CD46: variants seen among roughly 807,000 people sequenced by gnomAD.
The protein encoded by CD46 is CD46 molecule.
In CD46, 30 loss-of-function variants were observed where a neutral mutation model predicts 53.3. The ratio of observed to expected loss-of-function variants is 0.56; its 90% CI spans 0.42 to 0.76. CD46 has a LOEUF of 0.76. Ranked by LOEUF, CD46 falls within the 30% of genes least tolerant of loss-of-function variation. CD46 has a pLI of 0.00. For missense variants in CD46, 409 were observed against 463.0 expected, an observed-to-expected ratio of 0.88 and a Z score of 1.07; for synonymous variants, 142 against 152.0, an observed-to-expected ratio of 0.93 and a Z score of 0.48.
intron 12 of CD46, among the ~76,000 whole-genome samples, chr1:207,790,690 C>T (rs1659719407): frequency 6.6e-6 from 1 of 152,080 alleles, no homozygotes; most frequent in African/African-American, 2.4e-5. Context: ...ATTTTAAGTG[C>T]AAGGAGGAAA....
chr1:207,756,719 G>A (rs1655582977), intron 1 of CD46, among the ~76,000 whole-genome samples: 1 of 152,140 alleles, frequency 6.6e-6, no homozygotes, highest in Admixed American at 6.5e-5. Context: ...GAAAAATGTG[G>A]GGAAAGATGC....
chr1:207,782,492 T>G (rs1446646978), intron 8 of CD46, among the ~76,000 whole-genome samples: 3 of 152,156 alleles, frequency 2.0e-5, no homozygotes, highest in Non-Finnish European at 4.4e-5. Flanking sequence ...ACACCCTGTC[T>G]TGTTCCTGAT....
chr1:207,790,191 A>G, intron 11 of CD46, 62 bp from the exon 12 acceptor site: 1 of 829,612 alleles, frequency 1.2e-6, no homozygotes, highest in Non-Finnish European at 2.2e-6. Flanking sequence ...TTGTTATGCT[A>G]CTCGTTTCTT....
chr1:207,774,222 T>C (rs559208731), intron 8 of CD46, among the ~76,000 whole-genome samples: 1 of 152,304 alleles, frequency 6.6e-6, no homozygotes, highest in Non-Finnish European at 1.5e-5. Flanking sequence ...TTTTTTTGCT[T>C]TCCATTTGCT....
intron 1 of CD46, among the ~76,000 whole-genome samples, chr1:207,755,520 CAT>C (rs1369510808): frequency 6.6e-6 from 1 of 152,228 alleles, no homozygotes; most frequent in African/African-American, 2.4e-5. Flanking sequence ...TTGAAGGAAA[CAT>C]GTATCAAATT....
chr1:207,788,359 A>G (rs1659468056), intron 11 of CD46, among the ~76,000 whole-genome samples: 1 of 136,608 alleles, frequency 7.3e-6, no homozygotes, highest in Middle Eastern at 3.3e-3. Flanking sequence ...TACTAAAAAT[A>G]CAAAAAAAAA....
In CD46 at chr1:207,773,416, T is replaced by C. The variant is rs572509993; in HGVS notation, c.943+3054T>C. On this transcript the variant is annotated intron_variant, in intron 8 of 12. Transcript: ENST00000367042. The stretch of plus-strand genomic sequence containing the variant: ...TCCTTCAGTTCTGCTCTGATCTTAG[T>C]TATTTCTTGCCTTCTGCTAGCTTTT... Among the ~76,000 whole-genome samples, 3 of 152,358 alleles carry C rather than the reference T, an allele frequency of 2.0e-5. No homozygotes were observed. In the East Asian group the frequency reaches 5.8e-4, roughly 29 times the overall value.
At chr1:207,772,715 A>G (rs940711659) in intron 8 of CD46, among the ~76,000 whole-genome samples, 3 of 152,014 alleles carry the variant, frequency 2.0e-5, no homozygotes, top group Non-Finnish European at 4.4e-5. Flanking sequence ...TTGATTTGTT[A>G]ATGTTGAACC....
chr1:207,764,526 T>G (rs1656626194), intron 5 of CD46, among the ~76,000 whole-genome samples: 1 of 152,236 alleles, frequency 6.6e-6, no homozygotes, highest in Non-Finnish European at 1.5e-5. Flanking sequence ...GCCAAAAAGC[T>G]TTATATTCTT....
chr1:207,756,917 C>T, intron 1 of CD46, 97 bp from the exon 2 acceptor site: 1 of 990,172 alleles, frequency 1.0e-6, no homozygotes, highest in South Asian at 1.3e-5. Context: ...AAGGGCCTTT[C>T]TGTTTTTTCT....
intron 8 of CD46, among the ~76,000 whole-genome samples, chr1:207,775,137 A>G (rs773384238): frequency 6.6e-5 from 10 of 152,206 alleles, no homozygotes; most frequent in African/African-American, 7.2e-5. Flanking sequence ...CTGATCTTCA[A>G]TCACTGATAT....
intron 7 of CD46, chr1:207,768,079 A>G (rs1386901737): frequency 7.2e-6 from 3 of 416,390 alleles, no homozygotes; most frequent in Non-Finnish European, 1.3e-5. Context: ...TACATTATAT[A>G]TAGAGAAATT....
intron 1 of CD46, among the ~76,000 whole-genome samples, chr1:207,754,616 G>T (rs1655309427): frequency 6.6e-6 from 1 of 152,134 alleles, no homozygotes; most frequent in Admixed American, 6.5e-5. Context: ...CTAGGAAAAA[G>T]TTCCTCCTGC....
At position 207,752,707 on chromosome 1, in the gene CD46, T is replaced by C. The variant is rs182371752; in HGVS notation, c.97+398T>C. On this transcript the variant is annotated intron_variant, in intron 1 of 12. Coordinates refer to ENST00000367042, the MANE Select transcript of CD46 (RefSeq NM_172351.3). The surrounding 1 kb of genome is among the most constrained non-coding windows in gnomAD (Gnocchi z 4.1). ...GTGTCCGTGGTGAGAGTTTGCCCTG[T>C]GTTCCCTTGGTGCCTTGGTGAGTGG... is the stretch of plus-strand genomic sequence containing the variant. 8.1e-4 allele frequency among the ~76,000 whole-genome samples: 124 copies of C among 152,256 alleles called. No individual in the cohort carries two copies. The highest frequency in any genetic ancestry group is 1.6e-3 in the Non-Finnish European group (108 of 68,016).
At chr1:207,758,615 A>C (rs1426170756) in intron 3 of CD46, among the ~76,000 whole-genome samples, 7 of 152,212 alleles carry the variant, frequency 4.6e-5, no homozygotes, top group Non-Finnish European at 1.0e-4. Flanking sequence ...TACACTGGCA[A>C]TTAAATTTCA....
Position 207,757,584 on chromosome 1 carries a change from G to A in CD46, c.331G>A (p.Val111Ile), listed in dbSNP as rs1655704956. ...YIRDPLNGQAVPANGTYEFGY... is the reference protein window; with the variant it reads ...YIRDPLNGQAIPANGTYEFGY... Reference sequence around the variant, plus strand: ...ACGGGATCCTTTAAATGGCCAAGCAGTCCCTGCAAATGGGACTTACGAGTT... The same window carrying A: ...ACGGGATCCTTTAAATGGCCAAGCAATCCCTGCAAATGGGACTTACGAGTT... Residue 111 changes from valine to isoleucine, a missense_variant, in exon 3 of 13, where the codon GTC becomes ATC. Transcript: ENST00000367042. 6.2e-7 allele frequency: 1 copy of A among 1,611,810 alleles called. No individual in the cohort carries two copies. Among genetic ancestry groups the A allele is most frequent in the South Asian group, 1.1e-5 (1 of 90,698 alleles).
intron 7 of CD46, chr1:207,769,542 T>A (rs1451692355): frequency 6.6e-6 from 1 of 152,152 alleles, no homozygotes; most frequent in Non-Finnish European, 1.5e-5. Context: ...TATAGCTTAG[T>A]GTTGGAGAGC....
intron 8 of CD46, among the ~76,000 whole-genome samples, chr1:207,772,698 A>G (rs1179508255): frequency 6.6e-6 from 1 of 152,208 alleles, no homozygotes; most frequent in Non-Finnish European, 1.5e-5. Context: ...GTGATGGATT[A>G]TGTTTATTGA....
intron 2 of CD46, 45 bp from the exon 3 acceptor site, chr1:207,757,495 T>C: frequency 8.1e-7 from 1 of 1,241,286 alleles, no homozygotes; most frequent in Non-Finnish European, 1.2e-6. Flanking sequence ...GATTCAGATC[T>C]GTTTTATAAC....
Sources: allele counts gnomAD v4.1 joint callset (sites outside exome capture counted in the v4.1 genomes callset), GRCh38; gene constraint gnomAD v4.1.1; non-coding constraint Gnocchi (gnomAD v3.1); transcripts MANE v1.5; gene names NCBI Gene and HGNC (gene_info 2026-07-23, HGNC 2026-07-21).